The following CACNA1C variants were observed in gnomAD, a reference collection of about 807,000 sequenced individuals.
The protein encoded by CACNA1C is calcium voltage-gated channel subunit alpha1 C, also known as voltage-dependent L-type calcium channel subunit alpha-1C.
In CACNA1C, 30 loss-of-function variants were observed where a neutral mutation model predicts 229.0. The observed-to-expected ratio is 0.13, with a 90% CI of 0.10 to 0.18. CACNA1C has a LOEUF of 0.18. CACNA1C is among the 10% of genes least tolerant of loss of function. The pLI is 1.00. For missense variants in CACNA1C, 1,658 were observed against 2,845.0 expected, an observed-to-expected ratio of 0.58 and a Z score of 9.49; for synonymous variants, 1,114 against 1,132.5, an observed-to-expected ratio of 0.98 and a Z score of 0.33.
intron 1 of CACNA1C, among the ~76,000 whole-genome samples, chr12:1,994,334 A>T (rs1356238801): frequency 6.6e-6 from 1 of 152,248 alleles, no homozygotes; most frequent in Non-Finnish European, 1.5e-5. Flanking sequence ...GAGCAACAGG[A>T]AGACAAGTTG....
At chr12:2,142,482 T>C (rs185129640) in intron 3 of CACNA1C, among the ~76,000 whole-genome samples, 2 of 151,554 alleles carry the variant, frequency 1.3e-5, no homozygotes, top group Admixed American at 6.6e-5. Context: ...ACGTATTTAC[T>C]GTGCTATACT....
intron 3 of CACNA1C, among the ~76,000 whole-genome samples, chr12:2,240,210 A>C (rs1246254729): frequency 2.6e-5 from 4 of 152,056 alleles, no homozygotes; most frequent in Non-Finnish European, 5.9e-5. Flanking sequence ...AAGCAGAGAA[A>C]CCTCGATTGT....
chr12:2,240,936 G>A (rs377068315), intron 3 of CACNA1C, among the ~76,000 whole-genome samples: 1 of 152,046 alleles, frequency 6.6e-6, no homozygotes, highest in South Asian at 2.1e-4. Flanking sequence ...GTGGGATCTC[G>A]CCAGGGATTA....
chr12:2,059,050 C>G (rs937983406), intron 1 of CACNA1C, among the ~76,000 whole-genome samples: 1 of 152,188 alleles, frequency 6.6e-6, no homozygotes, highest in Non-Finnish European at 1.5e-5. Context: ...GCATTCTCTA[C>G]TGCCCCCTTT....
At chr12:2,599,668 C>T (rs2070856659) in intron 21 of CACNA1C, among the ~76,000 whole-genome samples, 2 of 152,096 alleles carry the variant, frequency 1.3e-5, no homozygotes, top group Admixed American at 1.3e-4. Context: ...AGGGCCCCTT[C>T]CCAAGTAATG....
At chr12:2,311,843 T>C (rs951114354) in intron 3 of CACNA1C, among the ~76,000 whole-genome samples, 3 of 152,234 alleles carry the variant, frequency 2.0e-5, no homozygotes, top group African/African-American at 7.2e-5. Flanking sequence ...ATGGTGATGA[T>C]GATTGCATAA....
chr12:2,528,728 G>T (rs2099833608), intron 9 of CACNA1C, among the ~76,000 whole-genome samples: 1 of 152,224 alleles, frequency 6.6e-6, no homozygotes, highest in South Asian at 2.1e-4. Flanking sequence ...GGATATTTAT[G>T]GGATAGAGGA....
intron 3 of CACNA1C, among the ~76,000 whole-genome samples, chr12:2,177,103 C>T (rs980441215): frequency 1.3e-5 from 2 of 152,164 alleles, no homozygotes; most frequent in Admixed American, 6.5e-5. Flanking sequence ...TTGGAGAGCA[C>T]TTTTTACCCA....
chr12:2,451,762 G>A (rs1004571862), intron 4 of CACNA1C, among the ~76,000 whole-genome samples: 2 of 152,200 alleles, frequency 1.3e-5, no homozygotes. Flanking sequence ...ATCTCCCTAG[G>A]GCCTAGGCCA....
At chr12:2,460,566 G>T (rs1023299121) in intron 5 of CACNA1C, among the ~76,000 whole-genome samples, 1 of 152,190 alleles carries the variant, frequency 6.6e-6, no homozygotes, top group Admixed American at 6.5e-5. Flanking sequence ...TCCCGAGGAC[G>T]GAGCCCTGTC....
At chr12:2,281,068 C>T (rs998102039) in intron 3 of CACNA1C, among the ~76,000 whole-genome samples, 1 of 151,900 alleles carries the variant, frequency 6.6e-6, no homozygotes, top group East Asian at 1.9e-4. Context: ...CCCAGTAACT[C>T]GTCATTTAAC....
intron 9 of CACNA1C, among the ~76,000 whole-genome samples, chr12:2,539,206 G>A (rs12320775): frequency 0.082 from 9,892 of 120,550 alleles, 438 homozygotes; most frequent in African/African-American, 0.19. Context: ...TAGGTGACTT[G>A]AGGAGGGCTT....
intron 21 of CACNA1C, among the ~76,000 whole-genome samples, chr12:2,598,142 A>T (rs775963137): frequency 6.6e-6 from 1 of 152,178 alleles, no homozygotes; most frequent in African/African-American, 2.4e-5. Context: ...GCTTTGTCAC[A>T]GTGCCCCTTG....
rs1210712672 is a variant in CACNA1C, at chr12:2,661,280, T to TACACACACAC, written c.4233-3519_4233-3510dup. Among the ~76,000 whole-genome samples the TACACACACAC allele has an allele frequency of 3.3e-3, 402 of 123,364 alleles. 2 individuals are homozygous for TACACACACAC. The highest frequency in any genetic ancestry group is 8.5e-3 in the Middle Eastern group (2 of 234). The allele number at this position is 123,364 out of a possible 152,430, so 80.9% of individuals were successfully genotyped here. A position where few individuals can be genotyped will look rare whatever the true frequency, so the allele number is the denominator to read the frequency against. On this transcript the variant is annotated intron_variant, in intron 34 of 46. Coordinates refer to ENST00000399655, the MANE Select transcript of CACNA1C (RefSeq NM_000719.7). ...CCATCTCTAAACACATACACACACA[T>TACACACACAC]ACACACACACACACACACACACACA...
intron 3 of CACNA1C, among the ~76,000 whole-genome samples, chr12:2,293,824 A>C (rs56177308): frequency 2.0e-5 from 3 of 152,238 alleles, no homozygotes; most frequent in African/African-American, 7.2e-5. Context: ...ATAGTGCCTG[A>C]ATATAGTAGA....
At chr12:2,655,112 C>A in intron 33 of CACNA1C, 35 bp from the exon 34 acceptor site, 1 of 1,333,574 alleles carries the variant, frequency 7.5e-7, no homozygotes, top group Non-Finnish European at 1.1e-6. Flanking sequence ...TATCTGTCCA[C>A]AAATCACTGA....
intron 9 of CACNA1C, among the ~76,000 whole-genome samples, chr12:2,539,905 G>A (rs553668121): frequency 5.5e-4 from 84 of 152,248 alleles, no homozygotes; most frequent in Non-Finnish European, 1.1e-3. Flanking sequence ...AAGGAAGCCA[G>A]CAAGTACAGT....
At chr12:2,008,602 T>C (rs1232645820) in intron 1 of CACNA1C, among the ~76,000 whole-genome samples, 1 of 152,188 alleles carries the variant, frequency 6.6e-6, no homozygotes, top group Non-Finnish European at 1.5e-5. Context: ...TTTAAAGAGC[T>C]CATGATTTAT....
chr12:2,359,829 G>A (rs949238420), intron 3 of CACNA1C, among the ~76,000 whole-genome samples: 1 of 152,108 alleles, frequency 6.6e-6, no homozygotes, highest in Non-Finnish European at 1.5e-5. Context: ...TAAAGTGGGA[G>A]GTAGGGGAGC....
Sources: gnomAD v4.1 joint callset for allele counts (sites outside exome capture counted in the v4.1 genomes callset) on GRCh38, gnomAD v4.1.1 for gene constraint, MANE v1.5 for transcripts, NCBI Gene and HGNC (gene_info 2026-07-23, HGNC 2026-07-21) for gene names.